The following CSGALNACT1 variants were observed in gnomAD, a reference collection of about 807,000 sequenced individuals.
CSGALNACT1 encodes chondroitin sulfate N-acetylgalactosaminyltransferase 1.
CSGALNACT1 carries 52 observed loss-of-function variants against 51.0 expected under a neutral mutation model. The observed-to-expected ratio is 1.02, with a 90% CI of 0.82 to 1.29. The LOEUF is 1.29. Ranked by LOEUF, CSGALNACT1 falls within the 50% of genes most tolerant of loss-of-function variation. The pLI, the probability that CSGALNACT1 is intolerant of heterozygous loss-of-function variation, is 0.00. For missense variants in CSGALNACT1, 935 were observed against 679.2 expected (o/e 1.38, Z -4.19); for synonymous variants, 341 against 254.4 (o/e 1.34, Z -3.24).
chr8:19,668,929 C>T (rs1031886291), intron 1 of CSGALNACT1, among the ~76,000 whole-genome samples: 1 of 152,186 alleles, frequency 6.6e-6, no homozygotes, highest in African/African-American at 2.4e-5. Flanking sequence ...ACTAGGAAAC[C>T]TTTTGAAATA....
intron 3 of CSGALNACT1, among the ~76,000 whole-genome samples, chr8:19,554,754 C>T (rs184813523): frequency 6.6e-6 from 1 of 152,130 alleles, no homozygotes; most frequent in Non-Finnish European, 1.5e-5. Context: ...CCCGTCTCTA[C>T]TAAAAATACA....
intron 2 of CSGALNACT1, among the ~76,000 whole-genome samples, chr8:19,591,710 G>C (rs1286612645): frequency 6.6e-6 from 1 of 152,046 alleles, no homozygotes; most frequent in Non-Finnish European, 1.5e-5. Flanking sequence ...GATCGCTTAA[G>C]CCCAGGAGTT....
At chr8:19,753,442 T>A (rs1312574567) in intron 1 of CSGALNACT1, among the ~76,000 whole-genome samples, 1 of 152,180 alleles carries the variant, frequency 6.6e-6, no homozygotes, top group Non-Finnish European at 1.5e-5. Flanking sequence ...TCAGAGACAT[T>A]CTGCTAGATA....
At chr8:19,512,822 C>T (rs2078710773) in intron 3 of CSGALNACT1, among the ~76,000 whole-genome samples, 1 of 152,106 alleles carries the variant, frequency 6.6e-6, no homozygotes, top group South Asian at 2.1e-4. Flanking sequence ...CTTTAAGTGT[C>T]AGGGACTTTA....
intron 1 of CSGALNACT1, among the ~76,000 whole-genome samples, chr8:19,676,083 T>TAAAAAAAAAAAAAA (rs1564404826): frequency 5.2e-4 from 31 of 59,082 alleles, no homozygotes; most frequent in African/African-American, 1.5e-3. Flanking sequence ...GTTGTCTGAT[T>TAAAAAAAAAAAAAA]TAAAAAACAA....
chr8:19,411,574 A>G (rs2055747152), intron 8 of CSGALNACT1, among the ~76,000 whole-genome samples: 1 of 152,236 alleles, frequency 6.6e-6, no homozygotes, highest in Admixed American at 6.5e-5. Context: ...AGAACCTCTC[A>G]GAATCCTGTG....
intron 4 of CSGALNACT1, among the ~76,000 whole-genome samples, chr8:19,494,471 T>C (rs1294005201): frequency 6.6e-6 from 1 of 152,224 alleles, no homozygotes; most frequent in Non-Finnish European, 1.5e-5. Flanking sequence ...CTTACCTGTG[T>C]ACATGGGTGC....
At chr8:19,526,039 A>G (rs1162589033) in intron 3 of CSGALNACT1, among the ~76,000 whole-genome samples, 1 of 152,214 alleles carries the variant, frequency 6.6e-6, no homozygotes, top group Non-Finnish European at 1.5e-5. Flanking sequence ...ACAACTTCCT[A>G]TAAATCCGTA....
chr8:19,667,742 A>C (rs1206610237), intron 1 of CSGALNACT1, among the ~76,000 whole-genome samples: 1 of 152,032 alleles, frequency 6.6e-6, no homozygotes, highest in African/African-American at 2.4e-5. Context: ...AAAATGTAAA[A>C]ATCATAGGCC....
At chr8:19,647,718 T>G (rs2154181369) in intron 1 of CSGALNACT1, among the ~76,000 whole-genome samples, 1 of 152,310 alleles carries the variant, frequency 6.6e-6, no homozygotes, top group East Asian at 1.9e-4. Context: ...TACCCCAACA[T>G]TACCAAGTGC....
chr8:19,539,741 CA>C (rs1295127364), intron 3 of CSGALNACT1, among the ~76,000 whole-genome samples: 1 of 152,156 alleles, frequency 6.6e-6, no homozygotes, highest in African/African-American at 2.4e-5. Context: ...AAACAAGTGA[CA>C]CTAAAAATGT....
At chr8:19,419,504 T>A (rs1383593857) in intron 7 of CSGALNACT1, among the ~76,000 whole-genome samples, 2 of 152,230 alleles carry the variant, frequency 1.3e-5, no homozygotes, top group African/African-American at 4.8e-5. Context: ...TTTTAGCAAC[T>A]GGCATGGCTG....
intron 1 of CSGALNACT1, among the ~76,000 whole-genome samples, chr8:19,747,938 C>T (rs1407121663): frequency 6.6e-6 from 1 of 152,180 alleles, no homozygotes; most frequent in African/African-American, 2.4e-5. Flanking sequence ...AAAGAAATCT[C>T]CCTGCCAAAA....
rs143741513 is a variant in CSGALNACT1 at position 19,555,454 on chromosome 8, A to G, written c.-297+35706T>C. On this transcript the variant is annotated intron_variant, in intron 3 of 9. Transcript: ENST00000454498. ...TAAGAGAGGTCCACTTTAAAGGGCT[A>G]TAACTCCCAAACTTTTCGAGATTTC... is the stretch of plus-strand genomic sequence containing the variant. Among the ~76,000 whole-genome samples the G allele has an allele frequency of 4.6e-3, 700 of 152,342 alleles. 5 individuals carry two copies. The highest frequency in any genetic ancestry group is 0.016 in the African/African-American group (654 of 41,582).
intron 1 of CSGALNACT1, among the ~76,000 whole-genome samples, chr8:19,741,217 C>G (rs1050342307): frequency 6.6e-6 from 1 of 152,166 alleles, no homozygotes; most frequent in African/African-American, 2.4e-5. Context: ...GAGTTGGTCA[C>G]TGGTACTCCA....
chr8:19,435,901 C>T (rs1278398093), intron 6 of CSGALNACT1, among the ~76,000 whole-genome samples: 2 of 152,198 alleles, frequency 1.3e-5, no homozygotes, highest in South Asian at 2.1e-4. Context: ...CACGCACACA[C>T]ATTGAAATTA....
At chr8:19,678,128 C>T (rs1431555236) in intron 1 of CSGALNACT1, among the ~76,000 whole-genome samples, 1 of 151,992 alleles carries the variant, frequency 6.6e-6, no homozygotes, top group Non-Finnish European at 1.5e-5. Context: ...AAAAAATTAC[C>T]CCACTAAATG....
At chr8:19,417,935 G>A (rs1296862321) in intron 8 of CSGALNACT1, among the ~76,000 whole-genome samples, 2 of 152,144 alleles carry the variant, frequency 1.3e-5, no homozygotes, top group Non-Finnish European at 2.9e-5. Flanking sequence ...TGCTTGCATT[G>A]CTTCTCTGCA....
intron 8 of CSGALNACT1, among the ~76,000 whole-genome samples, chr8:19,411,482 G>A (rs911218510): frequency 2.0e-5 from 3 of 152,196 alleles, no homozygotes; most frequent in Non-Finnish European, 4.4e-5. Flanking sequence ...GGGCAGAGAT[G>A]GTTCCAAGCC....
Sources: allele counts gnomAD v4.1 joint callset (sites outside exome capture counted in the v4.1 genomes callset), GRCh38; gene constraint gnomAD v4.1.1; transcripts MANE v1.5; gene names NCBI Gene and HGNC (gene_info 2026-07-23, HGNC 2026-07-21).